NCK1: variants seen among roughly 807,000 people sequenced by gnomAD.
The protein encoded by NCK1 is SH2/SH3 adapter protein NCK1.
A neutral mutation model predicts 36.6 loss-of-function variants in NCK1; 19 were observed. That is an observed-to-expected ratio of 0.52 (90% CI 0.36 to 0.76). NCK1 has a LOEUF of 0.76. Among genes scored for constraint, NCK1 ranks in the 30% least tolerant of loss-of-function variants. The probability of loss-of-function intolerance (pLI) is 0.00; values close to 1 mark genes in which losing one functional copy is unlikely to be tolerated. For synonymous variants in NCK1, 165 were observed against 156.0 expected (o/e 1.06, Z -0.43); for missense variants, 358 against 445.6 (o/e 0.80, Z 1.77).
At chr3:136,873,702 A>C (rs765898079) in intron 1 of NCK1, among the ~76,000 whole-genome samples, 2 of 152,100 alleles carry the variant, frequency 1.3e-5, no homozygotes, top group Non-Finnish European at 2.9e-5. Flanking sequence ...GTGGGAGGTA[A>C]TTGAATCGTG....
At chr3:136,901,596 C>A (rs1044928915) in intron 1 of NCK1, among the ~76,000 whole-genome samples, 1 of 152,200 alleles carries the variant, frequency 6.6e-6, no homozygotes, top group African/African-American at 2.4e-5. Flanking sequence ...CTTCCTGATT[C>A]AATCTTGGTA....
chr3:136,940,366 G>T (rs1021646083), intron 2 of NCK1, among the ~76,000 whole-genome samples: 1 of 152,056 alleles, frequency 6.6e-6, no homozygotes, highest in Non-Finnish European at 1.5e-5. Flanking sequence ...ACAGAAAGTG[G>T]GGTATTGATG....
chr3:136,888,576 G>T (rs1939135399), intron 1 of NCK1, among the ~76,000 whole-genome samples: 1 of 151,520 alleles, frequency 6.6e-6, no homozygotes, highest in Non-Finnish European at 1.5e-5. Context: ...CTAATTTTTT[G>T]TATTTTTAGT....
intron 3 of NCK1, 54 bp downstream of exon 3, chr3:136,946,349 A>AAG: frequency 1.4e-6 from 2 of 1,462,108 alleles, no homozygotes; most frequent in Non-Finnish European, 1.9e-6. Context: ...TTTTAAAAAA[A>AAG]AGAGAGAGAG....
intron 1 of NCK1, among the ~76,000 whole-genome samples, chr3:136,913,136 T>C (rs756001377): frequency 5.9e-5 from 9 of 152,218 alleles, no homozygotes; most frequent in Non-Finnish European, 1.2e-4. Flanking sequence ...TGGTTTATTT[T>C]TTTTTCTTTC....
At chr3:136,877,285 C>A (rs1938801739) in intron 1 of NCK1, among the ~76,000 whole-genome samples, 1 of 152,086 alleles carries the variant, frequency 6.6e-6, no homozygotes, top group Non-Finnish European at 1.5e-5. Flanking sequence ...ATAATCAATT[C>A]TTGAGTGTTT....
intron 1 of NCK1, among the ~76,000 whole-genome samples, chr3:136,895,464 AG>A (rs561737104): frequency 7.2e-4 from 110 of 152,150 alleles, no homozygotes; most frequent in African/African-American, 2.6e-3. Flanking sequence ...TTTAAAAAAA[AG>A]GTTTGTCAGA....
chr3:136,869,340 A>G (rs1402124309), intron 1 of NCK1, among the ~76,000 whole-genome samples: 1 of 152,240 alleles, frequency 6.6e-6, no homozygotes, highest in Admixed American at 6.5e-5. Context: ...TGATCCCAGG[A>G]GTTCGAGACC....
chr3:136,895,141 C>G lies in NCK1; in HGVS notation c.-19+32788C>G, dbSNP rs1419797984. Among the ~76,000 whole-genome samples, 5 of 152,118 alleles carry G rather than the reference C, an allele frequency of 3.3e-5. No homozygotes were observed. The East Asian group carries it at 9.6e-4, about 29-fold the overall frequency. On this transcript the variant is annotated intron_variant, in intron 1 of 3. Coordinates refer to ENST00000481752, the MANE Select transcript of NCK1 (RefSeq NM_001291999.2). ...CCACCCGCCTCGGCCTCCCAAAGTG[C>G]TAGGATTATAGGCATGAGCCACTGC...
At chr3:136,891,050 T>C (rs1337299464) in intron 1 of NCK1, among the ~76,000 whole-genome samples, 1 of 152,256 alleles carries the variant, frequency 6.6e-6, no homozygotes, top group African/African-American at 2.4e-5. Flanking sequence ...ATTCACATTG[T>C]AGCATGTGTC....
At chr3:136,895,593 C>A (rs967129162) in intron 1 of NCK1, among the ~76,000 whole-genome samples, 1 of 151,764 alleles carries the variant, frequency 6.6e-6, no homozygotes, top group Non-Finnish European at 1.5e-5. Flanking sequence ...GAGATGGAGT[C>A]CCACTCTGTT....
At chr3:136,917,241 T>TG (rs1310859218) in intron 1 of NCK1, among the ~76,000 whole-genome samples, 2 of 151,576 alleles carry the variant, frequency 1.3e-5, no homozygotes, top group Non-Finnish European at 2.9e-5. Flanking sequence ...GCTTTTTTTT[T>TG]TTTTTTGCTT....
chr3:136,892,356 T>C (rs1052157873), intron 1 of NCK1, among the ~76,000 whole-genome samples: 21 of 152,236 alleles, frequency 1.4e-4, no homozygotes, highest in African/African-American at 5.1e-4. Flanking sequence ...AAAAAGATCT[T>C]AATTTTGATG....
intron 1 of NCK1, among the ~76,000 whole-genome samples, chr3:136,876,126 C>G (rs1255964345): frequency 7.3e-5 from 11 of 150,096 alleles, no homozygotes; most frequent in African/African-American, 1.7e-4. Context: ...ACACAACATA[C>G]CAGAATCTCT....
intron 1 of NCK1, among the ~76,000 whole-genome samples, chr3:136,901,933 G>A (rs1427616991): frequency 6.6e-6 from 1 of 151,866 alleles, no homozygotes; most frequent in Admixed American, 6.6e-5. Flanking sequence ...GTTCCTTAAG[G>A]TGCATTGCTA....
chr3:136,941,915 T>C (rs1940689183), intron 2 of NCK1, among the ~76,000 whole-genome samples: 1 of 152,184 alleles, frequency 6.6e-6, no homozygotes, highest in Non-Finnish European at 1.5e-5. Flanking sequence ...CTTGGCTCAC[T>C]ACAACCTCCA....
At chr3:136,921,574 A>G (rs932583269) in intron 1 of NCK1, among the ~76,000 whole-genome samples, 1 of 152,196 alleles carries the variant, frequency 6.6e-6, no homozygotes, top group Admixed American at 6.5e-5. Context: ...AGAGCCCAGT[A>G]CTTGTGTTGG....
chr3:136,898,954 G>GGT (rs1939463715), intron 1 of NCK1: 1 of 152,896 alleles, frequency 6.5e-6, no homozygotes, highest in African/African-American at 2.4e-5. Flanking sequence ...TATAGGACAT[G>GGT]GTAATGGATT....
intron 1 of NCK1, among the ~76,000 whole-genome samples, chr3:136,863,006 G>A (rs1327919844): frequency 2.3e-5 from 2 of 85,940 alleles, no homozygotes; most frequent in East Asian, 1.3e-3. Context: ...CATTTCGATA[G>A]GTTTTGTAAC....
Sources: allele counts gnomAD v4.1 joint callset (sites outside exome capture counted in the v4.1 genomes callset), GRCh38; gene constraint gnomAD v4.1.1; transcripts MANE v1.5; gene names NCBI Gene and HGNC (gene_info 2026-07-23, HGNC 2026-07-21).